Variants in VPS13B observed in about 807,000 individuals in gnomAD.
VPS13B encodes vacuolar protein sorting 13 homolog B.
Under a neutral mutation model 426.4 loss-of-function variants are expected in VPS13B, and 285 were observed. The observed-to-expected ratio is 0.67, with a 90% CI of 0.61 to 0.74. The LOEUF is 0.74. Ranked by LOEUF, VPS13B falls within the 30% of genes least tolerant of loss-of-function variation. VPS13B has a pLI of 0.00. For synonymous variants in VPS13B, 1,676 were observed against 1,676.4 expected (o/e 1.00, Z 0.01); for missense variants, 4,537 against 4,782.6 (o/e 0.95, Z 1.51).
chr8:99,111,568 A>C (rs1486807738), intron 6 of VPS13B, among the ~76,000 whole-genome samples: 2 of 152,006 alleles, frequency 1.3e-5, no homozygotes, highest in African/African-American at 4.8e-5. Context: ...AGGAAATAAT[A>C]TTAAAAGGTA....
At chr8:99,677,124 A>G (rs1363470941) in intron 35 of VPS13B, among the ~76,000 whole-genome samples, 1 of 152,190 alleles carries the variant, frequency 6.6e-6, no homozygotes, top group Non-Finnish European at 1.5e-5. Context: ...CTCAAAAAAG[A>G]AAAAAAGAAG....
At chr8:99,862,527 G>C (rs1218845812) in intron 58 of VPS13B, among the ~76,000 whole-genome samples, 2 of 152,194 alleles carry the variant, frequency 1.3e-5, no homozygotes, top group Admixed American at 6.5e-5. Context: ...AAAATAAGTT[G>C]CTTTAAAAAA....
At chr8:99,085,029 A>T (rs1006662367) in intron 3 of VPS13B, among the ~76,000 whole-genome samples, 1 of 151,984 alleles carries the variant, frequency 6.6e-6, no homozygotes. Flanking sequence ...TGTCTCGTTG[A>T]TCTGTGTGAT....
intron 19 of VPS13B, chr8:99,341,798 G>T: frequency 3.1e-6 from 1 of 325,852 alleles, no homozygotes; most frequent in Non-Finnish European, 6.3e-6. Flanking sequence ...CAGAGCCCAC[G>T]TGGCACTGGG....
chr8:99,527,978 A>T (rs903051979), intron 30 of VPS13B: 1 of 152,010 alleles, frequency 6.6e-6, no homozygotes, highest in African/African-American at 2.4e-5. Context: ...AATGACATAT[A>T]TTTCTTAGAA....
chr8:99,521,619 G>A (rs934038275), intron 30 of VPS13B, among the ~76,000 whole-genome samples: 12 of 152,292 alleles, frequency 7.9e-5, no homozygotes, highest in Admixed American at 1.3e-4. Context: ...TACTGAAGTT[G>A]GCACTGCTGC....
In VPS13B at chr8:99,779,028, A is replaced by C; in HGVS notation, c.7776A>C (p.Gln2592His). The change falls in exon 42 of 62, where the codon CAA becomes CAC. Residue 2592 changes from glutamine (Q) to histidine (H), a missense_variant. Gln to His is a conservative substitution (Grantham distance 24, BLOSUM62 0). This residue lies in a region of VPS13B where 4,311 missense variants were observed against 4,474.3 expected (regional missense o/e 0.96). Coordinates refer to ENST00000357162, the MANE Select transcript of VPS13B (RefSeq NM_152564.5). ...HSLNTAIQAW[Q>H]QNKCPEVEEL... ...TAAACACTGCAATACAAGCTTGGCA[A>C]CAGGTATGCACATTCCATAACAGTT... 1 of 1,612,770 alleles carries C rather than the reference A, an allele frequency of 6.2e-7. No individual in the cohort carries two copies. The highest frequency in any genetic ancestry group is 8.5e-7 in the Non-Finnish European group (1 of 1,179,338).
chr8:99,422,299 A>G (rs1174313469), intron 21 of VPS13B, among the ~76,000 whole-genome samples: 1 of 152,202 alleles, frequency 6.6e-6, no homozygotes, highest in Non-Finnish European at 1.5e-5. Flanking sequence ...TTTTTTCATT[A>G]GATCATTATA....
At chr8:99,868,268 T>C in intron 58 of VPS13B, 21 bp from the exon 59 acceptor site, 6 of 1,614,134 alleles carry the variant, frequency 3.7e-6, no homozygotes, top group Non-Finnish European at 5.1e-6. Context: ...CTGTCCTTAC[T>C]GAGGGCTTTT....
intron 31 of VPS13B, among the ~76,000 whole-genome samples, chr8:99,569,454 AAAAAAAG>A (rs1825365356): frequency 6.6e-6 from 1 of 151,916 alleles, no homozygotes; most frequent in Non-Finnish European, 1.5e-5. Context: ...AGGGAAAAAA[AAAAAAAG>A]AAAAAAGAAT....
intron 39 of VPS13B, among the ~76,000 whole-genome samples, chr8:99,744,729 C>G (rs1809978118): frequency 6.6e-6 from 1 of 150,668 alleles, no homozygotes; most frequent in Non-Finnish European, 1.5e-5. Flanking sequence ...AACAAAAAAC[C>G]AAACACTGCA....
intron 49 of VPS13B, 41 bp downstream of exon 49, chr8:99,820,163 A>C: frequency 1.5e-5 from 24 of 1,576,306 alleles, no homozygotes; most frequent in African/African-American, 2.7e-5. Flanking sequence ...CTTATCTCTC[A>C]ACAAGTAGAT....
chr8:99,729,070 A>G (rs1009991520), intron 39 of VPS13B, among the ~76,000 whole-genome samples: 1 of 151,932 alleles, frequency 6.6e-6, no homozygotes, highest in African/African-American at 2.4e-5. Context: ...TCAGATCCAC[A>G]TTCGTAATTT....
At chr8:99,017,733 T>C (rs1301621425) in intron 2 of VPS13B, among the ~76,000 whole-genome samples, 1 of 152,190 alleles carries the variant, frequency 6.6e-6, no homozygotes, top group East Asian at 1.9e-4. Flanking sequence ...GCTCAGGTGA[T>C]CCACCCGCCT....
Position 99,859,471 on chromosome 8 carries a change from A to G in VPS13B, c.11035A>G (p.Ile3679Val). ...SRGTTSFVKHISKGTLTSITN... is the reference protein window; with the variant it reads ...SRGTTSFVKHVSKGTLTSITN... ...AGGGACCACATCGTTTGTAAAGCACATCTCCAAAGGTAGCGGGTTCCGTTC... is the reference window on the plus strand; with the variant it reads ...AGGGACCACATCGTTTGTAAAGCACGTCTCCAAAGGTAGCGGGTTCCGTTC... Residue 3679 changes from isoleucine (I) to valine (V), a missense_variant, in exon 57 of 62, where the codon ATC becomes GTC. By Grantham distance (29) the Ile-to-Val change is conservative. Transcript: ENST00000357162. 3 of 1,612,616 alleles carry G rather than the reference A, an allele frequency of 1.9e-6. No individual in the cohort carries two copies. Among genetic ancestry groups the G allele is most frequent in the Non-Finnish European group, 1.7e-6 (2 of 1,179,922 alleles).
intron 18 of VPS13B, 63 bp from the exon 19 acceptor site, chr8:99,275,018 T>G: frequency 7.1e-7 from 1 of 1,407,172 alleles, no homozygotes; most frequent in South Asian, 1.4e-5. Flanking sequence ...TATTTTAAAA[T>G]CAAACATTCT....
chr8:99,097,935 A>G lies in VPS13B; in HGVS notation c.412+1503A>G, dbSNP rs529854952. Among the ~76,000 whole-genome samples, 5 of 152,308 alleles carry G rather than the reference A, an allele frequency of 3.3e-5. No homozygotes were observed. In the South Asian group the frequency reaches 1.0e-3, roughly 32 times the overall value. On this transcript the variant is annotated intron_variant, in intron 4 of 61. Coordinates refer to ENST00000357162, the MANE Select transcript of VPS13B (RefSeq NM_152564.5). ...TACATGTAAACTCTGCACTAGGCAC[A>G]TAAGACAGTATACATTTCTTTTGAT...
At chr8:99,348,080 C>T (rs1811643083) in intron 19 of VPS13B, 1 of 152,268 alleles carries the variant, frequency 6.6e-6, no homozygotes, top group African/African-American at 2.4e-5. Flanking sequence ...GTTCAGTTGC[C>T]TGGGGTCATC....
intron 39 of VPS13B, among the ~76,000 whole-genome samples, chr8:99,746,587 A>G (rs1810099379): frequency 6.6e-6 from 1 of 152,202 alleles, no homozygotes; most frequent in Non-Finnish European, 1.5e-5. Flanking sequence ...CGCATTCCAT[A>G]CATCATAGTA....
Sources: allele counts gnomAD v4.1 joint callset (sites outside exome capture counted in the v4.1 genomes callset), GRCh38; gene constraint gnomAD v4.1.1; regional missense constraint gnomAD v4.1.1; transcripts MANE v1.5; gene names NCBI Gene and HGNC (gene_info 2026-07-23, HGNC 2026-07-21).